USP2: variants seen among roughly 807,000 people sequenced by gnomAD.
The protein encoded by USP2 is ubiquitin carboxyl-terminal hydrolase 2.
A neutral mutation model predicts 72.0 loss-of-function variants in USP2; 33 were observed. The ratio of observed to expected loss-of-function variants is 0.46; its 90% CI spans 0.35 to 0.61. The LOEUF (loss-of-function observed/expected upper bound fraction) is 0.61. USP2 is among the 20% of genes least tolerant of loss of function. The probability of loss-of-function intolerance (pLI) is 0.01; values close to 1 mark genes in which losing one functional copy is unlikely to be tolerated. For synonymous variants in USP2, 296 were observed against 312.5 expected (o/e 0.95, Z 0.56); for missense variants, 691 against 797.8 (o/e 0.87, Z 1.61).
chr11:119,367,946 A>G (rs765917440), intron 2 of USP2, among the ~76,000 whole-genome samples: 5 of 151,966 alleles, frequency 3.3e-5, no homozygotes, highest in African/African-American at 4.8e-5. Flanking sequence ...CACCACATTA[A>G]CTCATGAAGA....
At chr11:119,374,850 C>T (rs943716525) in intron 1 of USP2, among the ~76,000 whole-genome samples, 2 of 152,144 alleles carry the variant, frequency 1.3e-5, no homozygotes, top group Non-Finnish European at 2.9e-5. Context: ...GCACTAGTCA[C>T]GTAACCTCTC....
intron 12 of USP2, 56 bp from the exon 13 acceptor site, chr11:119,356,978 C>T (rs1950667857): frequency 1.3e-6 from 2 of 1,538,856 alleles, no homozygotes; most frequent in South Asian, 1.2e-5. Flanking sequence ...GACCCCCCGC[C>T]GGCTTCTTTC....
intron 8 of USP2, 43 bp from the exon 9 acceptor site, chr11:119,358,104 G>T: frequency 6.2e-7 from 1 of 1,614,130 alleles, no homozygotes; most frequent in Non-Finnish European, 8.5e-7. Flanking sequence ...CAACATGAAA[G>T]GACAGGAGAG....
At chr11:119,356,975 C>A in intron 12 of USP2, 53 bp from the exon 13 acceptor site, 1 of 1,541,026 alleles carries the variant, frequency 6.5e-7, no homozygotes, top group Non-Finnish European at 8.8e-7. Context: ...GGAGACCCCC[C>A]GCCGGCTTCT....
At position 119,357,508 on chromosome 11, in the gene USP2, T is replaced by G; in HGVS notation, c.1584A>C (p.Leu528Phe). The G allele has an allele frequency of 6.2e-7, 1 of 1,614,160 alleles. No individual in the cohort carries two copies. ...TGGTGTTTTCTGAGGCAAATTCTCT[T>G]AAGTCCAGGTCTCTTAGGGGGAAGT... ...FVNFPLRDLD[L>F]REFASENTNH... is the part of the protein sequence containing the mutation. Residue 528 changes from leucine (L) to phenylalanine (F), a missense_variant, in exon 11 of 13, where the codon TTA becomes TTC. Leu to Phe is a conservative substitution (Grantham distance 22, BLOSUM62 0). Coordinates refer to ENST00000260187, the MANE Select transcript of USP2 (RefSeq NM_004205.5).
At chr11:119,363,091 G>A (rs184164945) in intron 2 of USP2, among the ~76,000 whole-genome samples, 1 of 152,220 alleles carries the variant, frequency 6.6e-6, no homozygotes, top group Non-Finnish European at 1.5e-5. Flanking sequence ...GTGTGGTGAG[G>A]GTCGCCCCAA....
intron 1 of USP2, among the ~76,000 whole-genome samples, chr11:119,377,879 C>T (rs1223250821): frequency 6.6e-6 from 1 of 152,126 alleles, no homozygotes; most frequent in East Asian, 1.9e-4. Context: ...TGGGTGATGC[C>T]CCACATCCCA....
chr11:119,362,185 C>A (rs1312230626), intron 2 of USP2, among the ~76,000 whole-genome samples: 1 of 152,182 alleles, frequency 6.6e-6, no homozygotes, highest in Admixed American at 6.5e-5. Context: ...ACAACAGTCA[C>A]TCAGTGCTAA....
At chr11:119,376,149 C>T in intron 1 of USP2, 2 of 984,250 alleles carry the variant, frequency 2.0e-6, no homozygotes, top group Non-Finnish European at 2.4e-6. Context: ...CTCCCGCAAC[C>T]CCCAGTTTCA....
chr11:119,364,204 C>A (rs565027344), intron 2 of USP2: 5 of 1,148,572 alleles, frequency 4.4e-6, no homozygotes, highest in Middle Eastern at 3.6e-4. Context: ...GCGCTCCGGC[C>A]GACTGGCGGC....
At chr11:119,379,426 A>G in intron 1 of USP2, 1 of 548,818 alleles carries the variant, frequency 1.8e-6, no homozygotes, top group Non-Finnish European at 2.3e-6. Flanking sequence ...CAGAGCAGTC[A>G]GTCACAGAAT....
chr11:119,357,132 T>C (rs1337716827), intron 12 of USP2, 55 bp downstream of exon 12: 1 of 1,315,156 alleles, frequency 7.6e-7, no homozygotes. Flanking sequence ...GGTGGAGGAG[T>C]GGGGGGAGAG....
chr11:119,377,848 C>T (rs1951020737), intron 1 of USP2, among the ~76,000 whole-genome samples: 1 of 152,186 alleles, frequency 6.6e-6, no homozygotes, highest in Non-Finnish European at 1.5e-5. Flanking sequence ...TCCAGGCGCT[C>T]CTGGCCCTGG....
chr11:119,366,769 C>T (rs1950858399), intron 2 of USP2, among the ~76,000 whole-genome samples: 1 of 152,128 alleles, frequency 6.6e-6, no homozygotes, highest in South Asian at 2.1e-4. Context: ...GGGACCTGCC[C>T]AAGAGGTGCT....
In USP2 at chr11:119,373,435, G is replaced by T; in HGVS notation, c.46C>A (p.Arg16Ser). The T allele has an allele frequency of 6.2e-7, 1 of 1,601,088 alleles. No homozygotes were observed. ...TTGGCATAGTGGGCATCTGTGTAGC[G>T]GGCCGATTCTGTGTAGCGCTTCAGG... Reference protein sequence around the residue: ...STLKRYTESARYTDAHYAKSG... With the variant: ...STLKRYTESASYTDAHYAKSG... Residue 16 changes from arginine (R) to serine (S), a missense_variant, in exon 2 of 13, where the codon CGC (arginine) becomes AGC (serine). Physicochemically the swap from Arg to Ser is moderately radical, Grantham distance 110. Coordinates refer to ENST00000260187, the MANE Select transcript of USP2 (RefSeq NM_004205.5).
intron 2 of USP2, among the ~76,000 whole-genome samples, chr11:119,370,176 C>T (rs1443577649): frequency 6.6e-6 from 1 of 152,024 alleles, no homozygotes; most frequent in Non-Finnish European, 1.5e-5. Flanking sequence ...GACTCCATCT[C>T]CAAAAAAACA....
At chr11:119,359,003 C>T (rs761691186) in intron 6 of USP2, 21 bp downstream of exon 6, 69 of 1,612,510 alleles carry the variant, frequency 4.3e-5, no homozygotes, top group Non-Finnish European at 5.7e-5. Flanking sequence ...TGCTTTCCCA[C>T]AGCATTCTCC....
intron 10 of USP2, 34 bp downstream of exon 10, chr11:119,357,723 G>A (rs771520695): frequency 1.6e-5 from 26 of 1,613,408 alleles, no homozygotes; most frequent in Non-Finnish European, 2.2e-5. Context: ...ACCCTTGAAA[G>A]TCATGTCCCA....
chr11:119,369,777 C>T (rs1306283559), intron 2 of USP2, among the ~76,000 whole-genome samples: 4 of 152,152 alleles, frequency 2.6e-5, no homozygotes, highest in African/African-American at 4.8e-5. Context: ...CCAACTGTTC[C>T]TTCCACTGGT....
Sources: gnomAD v4.1 joint callset for allele counts (sites outside exome capture counted in the v4.1 genomes callset) on GRCh38, gnomAD v4.1.1 for gene constraint, MANE v1.5 for transcripts, NCBI Gene and HGNC (gene_info 2026-07-23, HGNC 2026-07-21) for gene names.